The following LAMC3 variants were observed in gnomAD, a reference collection of about 807,000 sequenced individuals.
LAMC3 encodes laminin subunit gamma-3.
Under a neutral mutation model 173.8 loss-of-function variants are expected in LAMC3, and 128 were observed. The ratio of observed to expected loss-of-function variants is 0.74; its 90% CI spans 0.64 to 0.85. The LOEUF (loss-of-function observed/expected upper bound fraction) is 0.85. LAMC3 is among the 40% of genes least tolerant of loss of function. The pLI is 0.00. For synonymous variants in LAMC3, 897 were observed against 909.1 expected (o/e 0.99, Z 0.24); for missense variants, 2,022 against 2,156.0 (o/e 0.94, Z 1.23).
intron 23 of LAMC3, 33 bp downstream of exon 23, chr9:131,079,331 G>A (rs760756941): frequency 6.2e-7 from 1 of 1,612,932 alleles, no homozygotes; most frequent in Non-Finnish European, 8.5e-7. Flanking sequence ...AGGGGACCTG[G>A]GAGAGGTTGG....
At chr9:131,086,007 C>T in intron 25 of LAMC3, 1 of 511,526 alleles carries the variant, frequency 2.0e-6, no homozygotes, top group East Asian at 3.3e-5. Context: ...GCCTAAACTT[C>T]TAGGTTTTTC....
rs542720344 is a variant in LAMC3, at chr9:131,055,348, C to T, written c.1940-1581C>T. Among the ~76,000 whole-genome samples the T allele has an allele frequency of 1.8e-4, 27 of 152,038 alleles. 1 individual carries two copies. The South Asian group carries it at 5.4e-3, about 30-fold the overall frequency. Reference sequence around the variant, plus strand: ...TGTGGGAAGGTTGATCTGCCAGGATCCCCTGCTCCTCTGTTACTGGAAGCA... The same window carrying T: ...TGTGGGAAGGTTGATCTGCCAGGATTCCCTGCTCCTCTGTTACTGGAAGCA... On this transcript the variant is annotated intron_variant, in intron 11 of 27. Transcript: ENST00000361069.
intron 7 of LAMC3, among the ~76,000 whole-genome samples, chr9:131,043,022 C>T (rs1449580115): frequency 6.6e-6 from 1 of 152,226 alleles, no homozygotes. Flanking sequence ...ACACCCACAA[C>T]AGACATCACT....
rs1442319895 is a variant in LAMC3 at position 131,026,779 on chromosome 9, G to A, written c.678+190G>A. On this transcript the variant is annotated intron_variant, in intron 2 of 27. Coordinates refer to ENST00000361069, the MANE Select transcript of LAMC3 (RefSeq NM_006059.4). The surrounding 1 kb of genome is among the most constrained non-coding windows in gnomAD (Gnocchi z 4.8). ...GGCTGGAGTGCAGTGACGCGATTTC[G>A]GTTCACTGAAACCTCCGCCTCCTTG... Among the ~76,000 whole-genome samples, 2 of 152,070 alleles carry A rather than the reference G, an allele frequency of 1.3e-5. No homozygotes were observed. Among genetic ancestry groups the A allele is most frequent in the Admixed American group, 6.5e-5 (1 of 15,270 alleles).
In LAMC3 at chr9:131,032,583, GCTCTCTTTCTCA is replaced by G. The variant is rs1833856526; in HGVS notation, c.809+412_809+423del. Among the ~76,000 whole-genome samples, 9 of 57,330 alleles carry G rather than the reference GCTCTCTTTCTCA, an allele frequency of 1.6e-4. No homozygotes were observed. The South Asian group carries it at 3.3e-3, about 21-fold the overall frequency. 37.6% of individuals were successfully genotyped at this position (57,330 alleles called of 152,430 possible). A position where few individuals can be genotyped will look rare whatever the true frequency, so the allele number is the denominator to read the frequency against. On this transcript the variant is annotated intron_variant, in intron 3 of 27. Coordinates refer to ENST00000361069, the MANE Select transcript of LAMC3 (RefSeq NM_006059.4). ...CTCTCTCTCTTGCTCTCTCTCGCTT[GCTCTCTTTCTCA>G]CTCGCTTTCTCTCTCTCTCTCTCTC...
At chr9:131,041,420 T>C (rs1006240566) in intron 6 of LAMC3, among the ~76,000 whole-genome samples, 1 of 147,462 alleles carries the variant, frequency 6.8e-6, no homozygotes, top group Admixed American at 6.8e-5. Context: ...GATGGAAGGA[T>C]CCTGGATGGA....
intron 11 of LAMC3, 127 bp from the exon 12 acceptor site, chr9:131,056,802 A>G: frequency 1.3e-6 from 1 of 778,810 alleles, no homozygotes. Flanking sequence ...AAAAAGAAAA[A>G]TCATTGATTG....
At chr9:131,057,955 C>T (rs1013578698) in intron 12 of LAMC3, among the ~76,000 whole-genome samples, 3 of 152,226 alleles carry the variant, frequency 2.0e-5, no homozygotes, top group Non-Finnish European at 4.4e-5. Context: ...CCTGCGGGGC[C>T]GGGACCCTTC....
At chr9:131,038,283 T>G (rs1833981069) in intron 4 of LAMC3, among the ~76,000 whole-genome samples, 1 of 152,184 alleles carries the variant, frequency 6.6e-6, no homozygotes, top group Non-Finnish European at 1.5e-5. Context: ...GGGGTTTGCT[T>G]GCTTGCCGTC....
intron 13 of LAMC3, among the ~76,000 whole-genome samples, chr9:131,061,634 C>G (rs1829826641): frequency 6.6e-6 from 1 of 152,170 alleles, no homozygotes; most frequent in African/African-American, 2.4e-5. Context: ...CTACGCCCAC[C>G]CTTGTTCCCA....
intron 3 of LAMC3, among the ~76,000 whole-genome samples, chr9:131,033,951 G>A (rs1004955682): frequency 3.3e-5 from 5 of 152,152 alleles, no homozygotes; most frequent in African/African-American, 9.7e-5. Context: ...GCCAAGGCTC[G>A]TCACTGAGAG....
chr9:131,087,398 T>G, intron 25 of LAMC3, 78 bp from the exon 26 acceptor site: 2 of 1,546,884 alleles, frequency 1.3e-6, no homozygotes, highest in Non-Finnish European at 1.8e-6. Context: ...CTTGGCATCA[T>G]TGCCATAAGA....
intron 25 of LAMC3, among the ~76,000 whole-genome samples, chr9:131,087,203 C>T (rs986792240): frequency 3.9e-5 from 6 of 152,228 alleles, no homozygotes; most frequent in Admixed American, 2.0e-4. Context: ...TCATGCCCCT[C>T]GGGCTTTGGC....
intron 9 of LAMC3, 27 bp downstream of exon 9, chr9:131,049,157 G>A (rs2133274796): frequency 7.2e-7 from 1 of 1,382,434 alleles, no homozygotes; most frequent in Non-Finnish European, 1.0e-6. Context: ...GTGGGGGCTG[G>A]CCGCCCTGTG....
chr9:131,024,897 C>G (rs1012676103), intron 1 of LAMC3, among the ~76,000 whole-genome samples: 3 of 152,096 alleles, frequency 2.0e-5, no homozygotes, highest in African/African-American at 7.2e-5. Flanking sequence ...GGCCCCCTCT[C>G]CTGTCCTGGG....
At chr9:131,076,350 A>C (rs933093) in intron 21 of LAMC3, among the ~76,000 whole-genome samples, 74,571 of 151,858 alleles carry the variant, frequency 0.49, 18,452 homozygotes, top group Non-Finnish European at 0.52. Context: ...CTGCAGACAG[A>C]CGGCTCTGCT....
chr9:131,016,076 A>G lies in LAMC3; in HGVS notation c.373+6489A>G, dbSNP rs971578064. Among the ~76,000 whole-genome samples the G allele has an allele frequency of 7.9e-5, 12 of 152,228 alleles. 1 individual carries two copies. The highest frequency in any genetic ancestry group is 1.8e-4 in the Non-Finnish European group (12 of 68,032). On this transcript the variant is annotated intron_variant, in intron 1 of 27. Transcript: ENST00000361069. ...CAGTAGAATATTACTCAGCCCTGAA[A>G]AAGGAGATTCTCACACAGCCACAGT... is the stretch of plus-strand genomic sequence containing the variant.
At chr9:131,040,483 C>CA (rs1834029589) in intron 6 of LAMC3, among the ~76,000 whole-genome samples, 1 of 152,112 alleles carries the variant, frequency 6.6e-6, no homozygotes, top group South Asian at 2.1e-4. Flanking sequence ...GGCCCAGAAG[C>CA]ACTTTTAAGT....
intron 11 of LAMC3, 34 bp from the exon 12 acceptor site, chr9:131,056,895 C>G: frequency 6.4e-7 from 1 of 1,563,792 alleles, no homozygotes; most frequent in Non-Finnish European, 8.8e-7. Flanking sequence ...GAGCTTGTGC[C>G]TCCTCTCTTC....
Sources: allele counts gnomAD v4.1 joint callset (sites outside exome capture counted in the v4.1 genomes callset), GRCh38; gene constraint gnomAD v4.1.1; non-coding constraint Gnocchi (gnomAD v3.1); transcripts MANE v1.5; gene names NCBI Gene and HGNC (gene_info 2026-07-23, HGNC 2026-07-21).